Variants in KMT2C observed in about 807,000 individuals in gnomAD.
KMT2C encodes lysine methyltransferase 2C.
In KMT2C, 88 loss-of-function variants were observed where a neutral mutation model predicts 507.9. The observed-to-expected ratio is 0.17, with a 90% CI of 0.15 to 0.21. KMT2C has a LOEUF of 0.21. Among genes scored for constraint, KMT2C ranks in the 10% least tolerant of loss-of-function variants. The pLI, the probability that KMT2C is intolerant of heterozygous loss-of-function variation, is 1.00. For synonymous variants in KMT2C, 2,049 were observed against 2,080.8 expected (o/e 0.98, Z 0.42); for missense variants, 4,954 against 5,957.8 (o/e 0.83, Z 5.55).
chr7:152,427,299 C>G (rs1166131952), intron 1 of KMT2C, among the ~76,000 whole-genome samples: 3 of 152,200 alleles, frequency 2.0e-5, no homozygotes, highest in Non-Finnish European at 4.4e-5. Context: ...AGGCGTTAGC[C>G]ACTGCGCCCG....
intron 44 of KMT2C, among the ~76,000 whole-genome samples, chr7:152,158,425 C>T (rs898041439): frequency 4.6e-5 from 7 of 152,020 alleles, no homozygotes; most frequent in Non-Finnish European, 1.5e-5. Context: ...CAATAGGATA[C>T]GGTGCAATTC....
chr7:152,299,319 A>AAAT (rs2096544715), intron 6 of KMT2C, among the ~76,000 whole-genome samples: 5 of 146,670 alleles, frequency 3.4e-5, no homozygotes, highest in African/African-American at 7.7e-5. Context: ...TCTATCTCAA[A>AAAT]AAATAAATAA....
chr7:152,304,925 T>C (rs1027916698), intron 6 of KMT2C, among the ~76,000 whole-genome samples: 5 of 152,202 alleles, frequency 3.3e-5, no homozygotes, highest in African/African-American at 1.2e-4. Context: ...ACTTTTGTGA[T>C]AGCAGAAATT....
intron 48 of KMT2C, 70 bp downstream of exon 48, chr7:152,153,940 T>A (rs969754099): frequency 6.8e-7 from 1 of 1,463,666 alleles, no homozygotes; most frequent in African/African-American, 1.4e-5. Context: ...TGTTTTATGG[T>A]AGACACCTGA....
rs1304623328 is a variant in KMT2C, at chr7:152,434,130, T to C, written c.161+1496A>G. 2.0e-5 allele frequency among the ~76,000 whole-genome samples: 3 copies of C among 152,366 alleles called. No homozygotes were observed. The East Asian group carries it at 5.8e-4, about 29-fold the overall frequency. ...GTCTAAAAATTACTTAAACCTCCACTTCCTTCTACAAATTTCAGTTAATAC... is the reference window on the plus strand; with the variant it reads ...GTCTAAAAATTACTTAAACCTCCACCTCCTTCTACAAATTTCAGTTAATAC... On this transcript the variant is annotated intron_variant, in intron 1 of 58. Coordinates refer to ENST00000262189, the MANE Select transcript of KMT2C (RefSeq NM_170606.3).
intron 43 of KMT2C, among the ~76,000 whole-genome samples, chr7:152,159,776 A>T (rs2129102148): frequency 6.6e-6 from 1 of 152,378 alleles, no homozygotes; most frequent in East Asian, 1.9e-4. Flanking sequence ...TCAGTACCTT[A>T]AAACACAGGA....
At chr7:152,290,290 ATATATTTTTTTTTTT>A (rs2096402770) in intron 6 of KMT2C, among the ~76,000 whole-genome samples, 2 of 32,030 alleles carry the variant, frequency 6.2e-5, no homozygotes, top group African/African-American at 1.6e-4. Context: ...ATATATATAT[ATATATTTTTTTTTTT>A]TTTTTTTTTT....
intron 1 of KMT2C, among the ~76,000 whole-genome samples, chr7:152,362,162 A>G (rs1341747824): frequency 6.6e-6 from 1 of 152,272 alleles, no homozygotes; most frequent in Admixed American, 6.5e-5. Context: ...ACAGATTTAT[A>G]AAATAAATGT....
intron 40 of KMT2C, among the ~76,000 whole-genome samples, 156 bp downstream of exon 40, chr7:152,171,108 G>A (rs117573601): frequency 1.3e-5 from 2 of 152,152 alleles, no homozygotes; most frequent in Non-Finnish European, 2.9e-5. Context: ...AAGTAATTGC[G>A]GTTTTTGCCA....
chr7:152,295,711 C>T (rs1563760728), intron 6 of KMT2C, among the ~76,000 whole-genome samples: 1 of 152,174 alleles, frequency 6.6e-6, no homozygotes, highest in African/African-American at 2.4e-5. Flanking sequence ...TAAATACTCT[C>T]CCCAGCCTCA....
Position 152,135,032 on chromosome 7 carries a change from A to G in KMT2C, c.*1800T>C, listed in dbSNP as rs543764469. 36 of 229,228 alleles carry G rather than the reference A, an allele frequency of 1.6e-4. 1 individual carries two copies. Among genetic ancestry groups the G allele is most frequent in the African/African-American group, 7.5e-4 (34 of 45,232 alleles). The allele number at this position is 229,228 out of a possible 1,614,324, so 14.2% of individuals were successfully genotyped here. On this transcript the variant is annotated 3_prime_UTR_variant, in exon 59 of 59. Coordinates refer to ENST00000262189, the MANE Select transcript of KMT2C (RefSeq NM_170606.3). The stretch of plus-strand genomic sequence containing the variant: ...TACTTCAAAAAATTCAATTTTTGCC[A>G]ACATTAGATACTATTATACAGAACA...
intron 31 of KMT2C, among the ~76,000 whole-genome samples, chr7:152,193,655 T>C (rs1259943123): frequency 1.3e-5 from 2 of 151,814 alleles, no homozygotes; most frequent in Non-Finnish European, 2.9e-5. Context: ...GATCAATGAG[T>C]ACAGGCAGCC....
intron 2 of KMT2C, among the ~76,000 whole-genome samples, chr7:152,348,654 A>ATACAGACAC (rs1199847519): frequency 6.6e-6 from 1 of 151,618 alleles, no homozygotes; most frequent in Non-Finnish European, 1.5e-5. Flanking sequence ...AGCATAGGGA[A>ATACAGACAC]TACAGACACC....
At chr7:152,173,990 G>A (rs921171473) in intron 39 of KMT2C, 141 bp downstream of exon 39, 6 of 497,842 alleles carry the variant, frequency 1.2e-5, no homozygotes, top group Admixed American at 1.2e-4. Context: ...TGATCATATC[G>A]AGCTGATGCC....
At chr7:152,193,714 T>G (rs1331174739) in intron 31 of KMT2C, among the ~76,000 whole-genome samples, 3 of 152,018 alleles carry the variant, frequency 2.0e-5, no homozygotes, top group Non-Finnish European at 4.4e-5. Flanking sequence ...AGTGCCTATG[T>G]GGCAAATGAC....
At chr7:152,220,992 T>A (rs2094747680) in intron 22 of KMT2C, among the ~76,000 whole-genome samples, 1 of 152,180 alleles carries the variant, frequency 6.6e-6, no homozygotes, top group African/African-American at 2.4e-5. Flanking sequence ...CAGGGGCTCA[T>A]GCCTGTAATC....
At chr7:152,285,621 C>G (rs2096283113) in intron 6 of KMT2C, among the ~76,000 whole-genome samples, 1 of 152,200 alleles carries the variant, frequency 6.6e-6, no homozygotes, top group South Asian at 2.1e-4. Context: ...TAACCAAAAA[C>G]TGGCTGGAAT....
rs1325115698 is a variant in KMT2C at position 152,166,173 on chromosome 7, A to T, written c.9750+973T>A. Among the ~76,000 whole-genome samples the T allele has an allele frequency of 2.9e-5, 4 of 137,346 alleles. No homozygotes were observed. The East Asian group carries it at 8.5e-4, about 29-fold the overall frequency. The allele number at this position is 137,346 out of a possible 152,430, so 90.1% of individuals were successfully genotyped here. On this transcript the variant is annotated intron_variant, in intron 42 of 58. Coordinates refer to ENST00000262189, the MANE Select transcript of KMT2C (RefSeq NM_170606.3). The stretch of plus-strand genomic sequence containing the variant: ...GAGTCTCACTTTGTCGCCAGGCTGG[A>T]GTACAGTGGCGCAAGCTCGGCTCAC...
At chr7:152,212,993 A>G (rs1463321950) in intron 23 of KMT2C, among the ~76,000 whole-genome samples, 1 of 152,258 alleles carries the variant, frequency 6.6e-6, no homozygotes, top group Non-Finnish European at 1.5e-5. Flanking sequence ...GGTTGCAGTG[A>G]GCGGAGATCA....
Sources: allele counts gnomAD v4.1 joint callset (sites outside exome capture counted in the v4.1 genomes callset), GRCh38; gene constraint gnomAD v4.1.1; transcripts MANE v1.5; gene names NCBI Gene and HGNC (gene_info 2026-07-23, HGNC 2026-07-21).